Variants in DUSP6 observed in about 807,000 individuals in gnomAD.
The protein encoded by DUSP6 is dual specificity phosphatase 6, also known as dual specificity protein phosphatase 6.
A neutral mutation model predicts 28.0 loss-of-function variants in DUSP6; 6 were observed. The ratio of observed to expected loss-of-function variants is 0.21; its 90% CI spans 0.12 to 0.42. DUSP6 has a LOEUF of 0.42. Among genes scored for constraint, DUSP6 ranks in the 10% least tolerant of loss-of-function variants. The pLI is 1.00. For missense variants in DUSP6, 451 were observed against 498.1 expected (o/e 0.91, Z 0.90); for synonymous variants, 252 against 217.5 (o/e 1.16, Z -1.40).
chr12:89,350,557 T>C, intron 2 of DUSP6, 31 bp downstream of exon 2: 1 of 1,588,958 alleles, frequency 6.3e-7, no homozygotes, highest in Non-Finnish European at 8.6e-7. Context: ...TGCATTTAAA[T>C]GTCAGAGCGA....
In DUSP6 at chr12:89,352,007, C is replaced by A; in HGVS notation, c.33G>T (p.Ala11=). 1.2e-6 allele frequency: 2 copies of A among 1,612,990 alleles called. No homozygotes were observed. Among genetic ancestry groups the A allele is most frequent in the Non-Finnish European group, 1.7e-6 (2 of 1,179,914 alleles). ...CCGTCTTGCTGATCGCCATTTCCGA[C>A]GCGAAGGGCACGGGTCTGAGCGTAT... MIDTLRPVPF[A]SEMAISKTVA... The change falls in exon 1 of 3, where the codon GCG becomes GCT. Residue 11 remains alanine, a synonymous_variant. Transcript: ENST00000279488.
rs1300067331 is a variant in DUSP6 at position 89,351,779 on chromosome 12, G to T, written c.261C>A (p.Thr87=). The stretch of plus-strand genomic sequence containing the variant: ...CCACTGTGTCGGTGCCACAGCGCCG[G>T]GTGAAGCGGTCCCGGTCCTCGCCGC... ...FTRGEDRDRF[T]RRCGTDTVVL... The change falls in exon 1 of 3, where the codon ACC becomes ACA. Residue 87 remains threonine (T), a synonymous_variant. Transcript: ENST00000279488. 1.2e-6 allele frequency: 2 copies of T among 1,609,728 alleles called. No homozygotes were observed. The highest frequency in any genetic ancestry group is 2.2e-5 in the East Asian group (1 of 44,730).
In DUSP6 at chr12:89,351,835, C is replaced by T. The variant is rs769538456; in HGVS notation, c.205G>A (p.Gly69Ser). Reference sequence around the variant, plus strand: ...AAGAGCGCGCGCACCGGCAGGTTACCCTTCTGCAGGCGCCGCAGCATGATG... The same window carrying T: ...AAGAGCGCGCGCACCGGCAGGTTACTCTTCTGCAGGCGCCGCAGCATGATG... ...PGIMLRRLQK[G>S]NLPVRALFTR... The change falls in exon 1 of 3, where the codon GGT becomes AGT. Residue 69 changes from glycine to serine, a missense_variant. By Grantham distance (56) the Gly-to-Ser change is moderately conservative. This residue lies in a region of DUSP6 where 347 missense variants were observed against 346.6 expected (regional missense o/e 1.00). Coordinates refer to ENST00000279488, the MANE Select transcript of DUSP6 (RefSeq NM_001946.4). 2.5e-5 allele frequency: 40 copies of T among 1,611,628 alleles called. 1 individual carries two copies. In the South Asian group the frequency reaches 3.3e-4, roughly 13 times the overall value.
chr12:89,351,004 G>T lies in DUSP6; in HGVS notation c.422C>A (p.Ala141Asp), dbSNP rs372462926. The T allele has an allele frequency of 8.7e-6, 14 of 1,600,316 alleles. No homozygotes were observed. Among genetic ancestry groups the T allele is most frequent in the Non-Finnish European group, 1.2e-5 (14 of 1,175,252 alleles). The change falls in exon 2 of 3, where the codon GCC becomes GAC. Residue 141 changes from alanine (A) to aspartate (D), a missense_variant. Physicochemically the swap from Ala to Asp is moderately radical, Grantham distance 126. This residue lies in a region of DUSP6 where 347 missense variants were observed against 346.6 expected (regional missense o/e 1.00). Transcript: ENST00000279488. ...GGTCTCGCAATGCAGGGAGAACTCG[G>T]CTTGGAACTTACTGAAGCCACCTGC... ...YLEGGFSKFQ[A>D]EFSLHCETNL...
chr12:89,350,919 G>T lies in DUSP6; in HGVS notation c.507C>A (p.Gly169=). The change falls in exon 2 of 3, where the codon GGC becomes GGA. Residue 169 remains glycine, a synonymous_variant. Coordinates refer to ENST00000279488, the MANE Select transcript of DUSP6 (RefSeq NM_001946.4). ...AGGAAGAGTCAGAGCTGATCCGCAG[G>T]CCCCCGAGCCCCAGCACTGGCAACG... ...SPPLPVLGLG[G]LRISSDSSSD... 1 of 1,613,606 alleles carries T rather than the reference G, an allele frequency of 6.2e-7. No homozygotes were observed. The highest frequency in any genetic ancestry group is 8.5e-7 in the Non-Finnish European group (1 of 1,179,898).
rs1565874952 is a variant in DUSP6 at position 89,350,928 on chromosome 12, C to T, written c.498G>A (p.Gly166=). The T allele has an allele frequency of 6.2e-7, 1 of 1,613,664 alleles. No individual in the cohort carries two copies. The highest frequency in any genetic ancestry group is 8.5e-7 in the Non-Finnish European group (1 of 1,179,928). ...SSSSPPLPVL[G]LGGLRISSDS... ...CAGAGCTGATCCGCAGGCCCCCGAG[C>T]CCCAGCACTGGCAACGGCGGCGAGC... The change falls in exon 2 of 3, where the codon GGG becomes GGA. Residue 166 remains glycine, a synonymous_variant. Transcript: ENST00000279488.
rs1012605992 is a variant in DUSP6, at chr12:89,349,013, A to G, written c.*241T>C. On this transcript the variant is annotated 3_prime_UTR_variant, in exon 3 of 3. Coordinates refer to ENST00000279488, the MANE Select transcript of DUSP6 (RefSeq NM_001946.4). ...GTCCCTGCATGGGTAGGCTGTACAC[A>G]TGGGTACAGAGCAAACCTACTGCCT... 6.0e-6 allele frequency: 3 copies of G among 497,256 alleles called. No homozygotes were observed. The highest frequency in any genetic ancestry group is 3.3e-5 in the East Asian group (1 of 30,556). 30.8% of individuals were successfully genotyped at this position (497,256 alleles called of 1,614,324 possible).
intron 1 of DUSP6, 99 bp from the exon 2 acceptor site, chr12:89,351,124 C>G (rs1328554050): frequency 8.0e-6 from 10 of 1,253,396 alleles, no homozygotes; most frequent in Non-Finnish European, 1.1e-5. Flanking sequence ...CCACAAGCAT[C>G]CTACGAACCC....
At chr12:89,349,652 T>C (rs1879112785) in intron 2 of DUSP6, 91 bp from the exon 3 acceptor site, 1 of 965,350 alleles carries the variant, frequency 1.0e-6, no homozygotes, top group African/African-American at 1.7e-5. Flanking sequence ...GAAAACATAA[T>C]AATAATAATA....
Position 89,351,658 on chromosome 12 carries a change from G to A in DUSP6, c.382C>T (p.Arg128Trp), listed in dbSNP as rs376038752. ...LLKKLKDEGC[R>W]AFYLEGGFSK... ...CGCGTACCTTCCAGGTAGAACGCCCGGCAGCCCTCGTCCTTGAGCTTCTTG... is the reference window on the plus strand; with the variant it reads ...CGCGTACCTTCCAGGTAGAACGCCCAGCAGCCCTCGTCCTTGAGCTTCTTG... The change falls in exon 1 of 3, where the codon CGG (arginine) becomes TGG (tryptophan). Residue 128 changes from arginine (R) to tryptophan (W), a missense_variant. Arg to Trp is a moderately radical substitution (Grantham distance 101). Around this residue, in one of 2 missense-constraint regions of DUSP6, gnomAD observed 347 missense variants for 346.6 expected, o/e 1.00. Coordinates refer to ENST00000279488, the MANE Select transcript of DUSP6 (RefSeq NM_001946.4). 9.5e-5 allele frequency: 152 copies of A among 1,603,270 alleles called. No individual in the cohort carries two copies. The highest frequency in any genetic ancestry group is 1.5e-4 in the Admixed American group (9 of 59,634).
At position 89,349,318 on chromosome 12, in the gene DUSP6, T is replaced by C. The variant is rs1879098353; in HGVS notation, c.1082A>G (p.Gln361Arg). The C allele has an allele frequency of 3.1e-6, 5 of 1,614,082 alleles. No individual in the cohort carries two copies. Among genetic ancestry groups the C allele is most frequent in the African/African-American group, 1.3e-5 (1 of 74,922 alleles). ...GTTGGAAGGGGTGGTAAAATACAGC[T>C]GCTGTGCTGGAACCCTGTTGTCACA... ...SPCDNRVPAQQLYFTTPSNQN... is the reference protein window; with the variant it reads ...SPCDNRVPAQRLYFTTPSNQN... The change falls in exon 3 of 3, where the codon CAG (glutamine) becomes CGG (arginine). Residue 361 changes from glutamine to arginine, a missense_variant. By Grantham distance (43) the Gln-to-Arg change is conservative (BLOSUM62 1). This residue lies in a region of DUSP6 where 104 missense variants were observed against 151.4 expected (regional missense o/e 0.69). Transcript: ENST00000279488.
rs148576220 is a variant in DUSP6, at chr12:89,351,989, G to C, written c.51C>G (p.Ser17Arg). 1 of 1,613,090 alleles carries C rather than the reference G, an allele frequency of 6.2e-7. No homozygotes were observed. Among genetic ancestry groups the C allele is most frequent in the Non-Finnish European group, 8.5e-7 (1 of 1,179,944 alleles). ...GCTCGTTGAGCCACGCCACCGTCTT[G>C]CTGATCGCCATTTCCGACGCGAAGG... ...PVPFASEMAI[S>R]KTVAWLNEQL... Residue 17 changes from serine to arginine, a missense_variant, in exon 1 of 3, where the codon AGC becomes AGG. By Grantham distance (110) the Ser-to-Arg change is moderately radical (BLOSUM62 -1). Coordinates refer to ENST00000279488, the MANE Select transcript of DUSP6 (RefSeq NM_001946.4).
intron 1 of DUSP6, chr12:89,351,300 A>T (rs905381586): frequency 1.2e-5 from 7 of 582,294 alleles, no homozygotes; most frequent in Non-Finnish European, 2.1e-5. Context: ...GCCAATTTGC[A>T]TCCCCAACAA....
In DUSP6 at chr12:89,352,266, T is replaced by G. The variant is rs574573165; in HGVS notation, c.-227A>C. 1 of 605,422 alleles carries G rather than the reference T, an allele frequency of 1.7e-6. No homozygotes were observed. Among genetic ancestry groups the G allele is most frequent in the South Asian group, 2.1e-5 (1 of 46,866 alleles). The allele number at this position is 605,422 out of a possible 1,614,324, so 37.5% of individuals were successfully genotyped here. A position where few individuals can be genotyped will look rare whatever the true frequency, so the allele number is the denominator to read the frequency against. On this transcript the variant is annotated 5_prime_UTR_variant, in exon 1 of 3. Transcript: ENST00000279488. ...GGCTCTTAGTGTCAATGAATCTCTC[T>G]CAATGAAGCTGCCCAGATAGTTTTT...
chr12:89,350,540 G>C, intron 2 of DUSP6, 48 bp downstream of exon 2: 1 of 1,553,832 alleles, frequency 6.4e-7, no homozygotes, highest in Non-Finnish European at 8.8e-7. Flanking sequence ...TGAATGGCTA[G>C]GAATTTTGCA....
In DUSP6 at chr12:89,351,889, C is replaced by A; in HGVS notation, c.151G>T (p.Glu51Ter). 3.7e-6 allele frequency: 6 copies of A among 1,612,726 alleles called. No homozygotes were observed. The highest frequency in any genetic ancestry group is 5.1e-6 in the Non-Finnish European group (6 of 1,179,916). The change falls in exon 1 of 3, where the codon GAG becomes TAG. Residue 51 changes from glutamate to a stop codon, truncating the protein, a stop_gained. Transcript: ENST00000279488. LOFTEE classifies it high-confidence loss of function. ...GGGATGGCCACGTTGATGGCCGACTCGATGTGCGACGACTCGTATAGCTCC... is the reference window on the plus strand; with the variant it reads ...GGGATGGCCACGTTGATGGCCGACTAGATGTGCGACGACTCGTATAGCTCC... ...PQELYESSHI[E>*]SAINVAIPGI... is the part of the protein sequence containing the mutation.
Position 89,350,464 on chromosome 12 carries a change from G to A in DUSP6, c.838+124C>T. On this transcript the variant is annotated intron_variant, in intron 2 of 2. Transcript: ENST00000279488. ...TAAACCAGAATTAAGGACGCTCTAG[G>A]AACATTAGAGACCTGCAGTCAGACA... 5.1e-6 allele frequency: 5 copies of A among 974,850 alleles called. No homozygotes were observed. In the South Asian group the frequency reaches 6.4e-5, roughly 13 times the overall value. The allele number at this position is 974,850 out of a possible 1,614,324, so 60.4% of individuals were successfully genotyped here. A position where few individuals can be genotyped will look rare whatever the true frequency, so the allele number is the denominator to read the frequency against.
At position 89,351,640 on chromosome 12, in the gene DUSP6, C is replaced by T. The variant is rs764598740; in HGVS notation, c.400G>A (p.Gly134Ser). Residue 134 changes from glycine (G) to serine (S), a missense_variant and splice_region_variant, in exon 1 of 3, where the codon GGT becomes AGT. By Grantham distance (56) the Gly-to-Ser change is moderately conservative. Transcript: ENST00000279488. Reference protein sequence around the residue: ...DEGCRAFYLEGGFSKFQAEFS... With the variant: ...DEGCRAFYLESGFSKFQAEFS... ...CGCGCGGAGTTCCCTGGGCGCGTAC[C>T]TTCCAGGTAGAACGCCCGGCAGCCC... 1 of 1,599,984 alleles carries T rather than the reference C, an allele frequency of 6.3e-7. No homozygotes were observed. The highest frequency in any genetic ancestry group is 8.5e-7 in the Non-Finnish European group (1 of 1,172,524).
At position 89,352,244 on chromosome 12, in the gene DUSP6, T is replaced by G. The variant is rs1879229541; in HGVS notation, c.-205A>C. 5.8e-6 allele frequency: 4 copies of G among 687,640 alleles called. No individual in the cohort carries two copies. The highest frequency in any genetic ancestry group is 9.6e-6 in the Non-Finnish European group (4 of 418,676). 42.6% of individuals were successfully genotyped at this position (687,640 alleles called of 1,614,324 possible). The stretch of plus-strand genomic sequence containing the variant: ...TCTGCACCCAGCTGCAGCCGCTGGC[T>G]CTTAGTGTCAATGAATCTCTCTCAA... On this transcript the variant is annotated 5_prime_UTR_variant, in exon 1 of 3. Coordinates refer to ENST00000279488, the MANE Select transcript of DUSP6 (RefSeq NM_001946.4).
Sources: allele counts gnomAD v4.1 joint callset, GRCh38; gene constraint gnomAD v4.1.1; regional missense constraint gnomAD v4.1.1; transcripts MANE v1.5; gene names NCBI Gene and HGNC (gene_info 2026-07-23, HGNC 2026-07-21).